Variants in FAT3 observed in about 807,000 individuals in gnomAD.
FAT3 encodes FAT atypical cadherin 3, also known as protocadherin Fat 3.
Under a neutral mutation model 310.2 loss-of-function variants are expected in FAT3, and 95 were observed. That is an observed-to-expected ratio of 0.31 (90% CI 0.26 to 0.36). FAT3 has a LOEUF of 0.36. FAT3 is among the 10% of genes least tolerant of loss of function. The pLI, the probability that FAT3 is intolerant of heterozygous loss-of-function variation, is 1.00. For missense variants in FAT3, 5,408 were observed against 5,715.6 expected (o/e 0.95, Z 1.74); for synonymous variants, 2,314 against 2,192.9 (o/e 1.06, Z -1.54).
chr11:92,483,516 A>G lies in FAT3; in HGVS notation c.3293-41118A>G, dbSNP rs566512888. Among the ~76,000 whole-genome samples, 15 of 151,982 alleles carry G rather than the reference A, an allele frequency of 9.9e-5. No homozygotes were observed. In the South Asian group the frequency reaches 1.5e-3, roughly 15 times the overall value. On this transcript the variant is annotated intron_variant, in intron 2 of 27. Coordinates refer to ENST00000525166, the MANE Select transcript of FAT3 (RefSeq NM_001367949.2). ...TTTCTAAGCAAAGCTGTTTTCTAAC[A>G]TATTTTTGTGTAGCTCTCTGTCTAC...
At chr11:92,601,839 A>G (rs760276185) in intron 3 of FAT3, among the ~76,000 whole-genome samples, 1 of 152,008 alleles carries the variant, frequency 6.6e-6, no homozygotes, top group African/African-American at 2.4e-5. Flanking sequence ...TTCCCTCTGA[A>G]AGTTCACATT....
chr11:92,518,665 A>G (rs1382607486), intron 2 of FAT3, among the ~76,000 whole-genome samples: 1 of 150,124 alleles, frequency 6.7e-6, no homozygotes. Flanking sequence ...TATAACAATA[A>G]AAAAAAAAAT....
At chr11:92,596,744 T>A (rs201781508) in intron 3 of FAT3, among the ~76,000 whole-genome samples, 2 of 152,188 alleles carry the variant, frequency 1.3e-5, no homozygotes, top group Admixed American at 1.3e-4. Context: ...CCGTCTATCA[T>A]AGTACCACCA....
At chr11:92,323,564 T>A (rs898608115) in intron 1 of FAT3, among the ~76,000 whole-genome samples, 14 of 151,318 alleles carry the variant, frequency 9.3e-5, no homozygotes, top group African/African-American at 3.4e-4. Flanking sequence ...AGTTAATACT[T>A]TTAAGGGAAT....
rs913585935 is a variant in FAT3 at position 92,516,027 on chromosome 11, A to G, written c.3293-8607A>G. ...TACCAACCCAAAAAAGCCCAGGATC[A>G]GACAGATTCACAGTCAAATTCTACC... On this transcript the variant is annotated intron_variant, in intron 2 of 27. Coordinates refer to ENST00000525166, the MANE Select transcript of FAT3 (RefSeq NM_001367949.2). 2.0e-5 allele frequency among the ~76,000 whole-genome samples: 3 copies of G among 152,290 alleles called. No homozygotes were observed. The East Asian group carries it at 5.8e-4, about 29-fold the overall frequency.
At chr11:92,604,879 G>A (rs1405187040) in intron 3 of FAT3, among the ~76,000 whole-genome samples, 1 of 152,210 alleles carries the variant, frequency 6.6e-6, no homozygotes, top group African/African-American at 2.4e-5. Context: ...CTAGGCATTA[G>A]CTAAGTGCCC....
intron 3 of FAT3, among the ~76,000 whole-genome samples, chr11:92,536,587 A>G (rs989231123): frequency 6.6e-6 from 1 of 152,178 alleles, no homozygotes; most frequent in African/African-American, 2.4e-5. Context: ...CTCTCAGTAA[A>G]CGTTCAATAT....
At chr11:92,521,763 T>G (rs1038473183) in intron 2 of FAT3, among the ~76,000 whole-genome samples, 4 of 152,110 alleles carry the variant, frequency 2.6e-5, no homozygotes, top group African/African-American at 9.7e-5. Context: ...AAGAGATAAT[T>G]ATAAAGTTTA....
chr11:92,850,244 A>T (rs1948789950), intron 19 of FAT3, among the ~76,000 whole-genome samples: 1 of 152,148 alleles, frequency 6.6e-6, no homozygotes, highest in South Asian at 2.1e-4. Flanking sequence ...TCTATTTTTC[A>T]TTCATAAGAA....
Position 92,486,129 on chromosome 11 carries a change from G to GTTTTTTTTTTTTTTTTTT in FAT3, c.3293-38505_3293-38504insTTTTTTTTTTTTTTTTTT, listed in dbSNP as rs1565353395. ...TGTGAAATAGAGGAGAGGCTGCTGG[G>GTTTTTTTTTTTTTTTTTT]GTTTTTTTTTTTTTTTTTTTTTTTT... On this transcript the variant is annotated intron_variant, in intron 2 of 27. Coordinates refer to ENST00000525166, the MANE Select transcript of FAT3 (RefSeq NM_001367949.2). Among the ~76,000 whole-genome samples, 16 of 27,680 alleles carry GTTTTTTTTTTTTTTTTTT rather than the reference G, an allele frequency of 5.8e-4. 3 individuals are homozygous for GTTTTTTTTTTTTTTTTTT. Among genetic ancestry groups the GTTTTTTTTTTTTTTTTTT allele is most frequent in the East Asian group, 1.7e-3 (1 of 574 alleles). 18.2% of individuals were successfully genotyped at this position (27,680 alleles called of 152,430 possible).
At chr11:92,847,410 C>A (rs1398936721) in intron 19 of FAT3, among the ~76,000 whole-genome samples, 1 of 152,138 alleles carries the variant, frequency 6.6e-6, no homozygotes. Context: ...TTTGTGTAAG[C>A]GCACTCTATG....
At chr11:92,567,587 G>A (rs567958289) in intron 3 of FAT3, among the ~76,000 whole-genome samples, 10 of 151,758 alleles carry the variant, frequency 6.6e-5, no homozygotes, top group East Asian at 3.9e-4. Flanking sequence ...ACATGCACAC[G>A]TATGTTTATT....
intron 3 of FAT3, among the ~76,000 whole-genome samples, chr11:92,664,700 T>G (rs923697150): frequency 1.3e-5 from 2 of 152,204 alleles, no homozygotes; most frequent in African/African-American, 4.8e-5. Context: ...GGTAATAAAT[T>G]TGATACATGC....
At chr11:92,281,458 C>A (rs755819610) in intron 1 of FAT3, among the ~76,000 whole-genome samples, 1 of 152,136 alleles carries the variant, frequency 6.6e-6, no homozygotes, top group African/African-American at 2.4e-5. Context: ...GAAAGCCTTC[C>A]GCACACTCCC....
chr11:92,692,478 T>G (rs1943824182), intron 3 of FAT3, among the ~76,000 whole-genome samples: 1 of 152,212 alleles, frequency 6.6e-6, no homozygotes, highest in African/African-American at 2.4e-5. Context: ...AAGTAGTATT[T>G]TATTCAAAAA....
intron 3 of FAT3, among the ~76,000 whole-genome samples, chr11:92,576,588 G>T (rs531854682): frequency 6.6e-6 from 1 of 151,958 alleles, no homozygotes; most frequent in African/African-American, 2.4e-5. Context: ...TTACTGATTT[G>T]GGCAAAGCAC....
chr11:92,746,346 C>G (rs1488792008), intron 4 of FAT3, among the ~76,000 whole-genome samples: 1 of 152,190 alleles, frequency 6.6e-6, no homozygotes, highest in Non-Finnish European at 1.5e-5. Flanking sequence ...TGCAGGGGAA[C>G]TCTCATTTAT....
chr11:92,361,458 C>T (rs1447442096), intron 2 of FAT3, among the ~76,000 whole-genome samples: 2 of 148,814 alleles, frequency 1.3e-5, no homozygotes, highest in Non-Finnish European at 3.0e-5. Flanking sequence ...CACGAAGATT[C>T]CACCCTCGTG....
chr11:92,745,154 C>T (rs1428345594), intron 4 of FAT3, among the ~76,000 whole-genome samples: 2 of 152,168 alleles, frequency 1.3e-5, no homozygotes, highest in African/African-American at 4.8e-5. Flanking sequence ...AAGTCCAGCA[C>T]TATGAAATAG....
Sources: gnomAD v4.1 joint callset for allele counts (sites outside exome capture counted in the v4.1 genomes callset) on GRCh38, gnomAD v4.1.1 for gene constraint, MANE v1.5 for transcripts, NCBI Gene and HGNC (gene_info 2026-07-23, HGNC 2026-07-21) for gene names.